Variants in CPEB3 observed in about 807,000 individuals in gnomAD.
The protein encoded by CPEB3 is cytoplasmic polyadenylation element binding protein 3, also known as cytoplasmic polyadenylation element-binding protein 3.
In CPEB3, 20 loss-of-function variants were observed where a neutral mutation model predicts 67.2. The ratio of observed to expected loss-of-function variants is 0.30; its 90% CI spans 0.21 to 0.43. The LOEUF is 0.43. Ranked by LOEUF, CPEB3 falls within the 20% of genes least tolerant of loss-of-function variation. The pLI, the probability that CPEB3 is intolerant of heterozygous loss-of-function variation, is 1.00. For missense variants in CPEB3, 746 were observed against 968.6 expected (o/e 0.77, Z 3.05); for synonymous variants, 376 against 393.1 (o/e 0.96, Z 0.51).
chr10:92,248,466 C>G (rs1852160547), intron 1 of CPEB3, among the ~76,000 whole-genome samples: 1 of 152,128 alleles, frequency 6.6e-6, no homozygotes, highest in South Asian at 2.1e-4. Context: ...TTTTCCTTCC[C>G]TACTTACATC....
intron 4 of CPEB3, among the ~76,000 whole-genome samples, chr10:92,160,543 T>C (rs1300531559): frequency 1.3e-5 from 2 of 152,198 alleles, no homozygotes; most frequent in African/African-American, 2.4e-5. Context: ...AATGATGTTA[T>C]GCTGCCTGAC....
chr10:92,179,508 C>A (rs1333634460), intron 4 of CPEB3, among the ~76,000 whole-genome samples: 1 of 152,174 alleles, frequency 6.6e-6, no homozygotes, highest in Non-Finnish European at 1.5e-5. Flanking sequence ...TAACTGAAGT[C>A]TTTTCACAAT....
intron 8 of CPEB3, among the ~76,000 whole-genome samples, chr10:92,090,124 T>C (rs1339126062): frequency 6.6e-6 from 1 of 152,230 alleles, no homozygotes; most frequent in Non-Finnish European, 1.5e-5. Flanking sequence ...AACTTGTATG[T>C]CTGTGACTTA....
At chr10:92,275,915 C>A (rs1841960739) in intron 1 of CPEB3, among the ~76,000 whole-genome samples, 1 of 138,490 alleles carries the variant, frequency 7.2e-6, no homozygotes, top group African/African-American at 2.7e-5. Context: ...GTGTCGCGAT[C>A]TTGGCTCACT....
chr10:92,239,697 G>T lies in CPEB3; in HGVS notation c.654C>A (p.Ser218Arg). 6.4e-7 allele frequency: 1 copy of T among 1,571,372 alleles called. No individual in the cohort carries two copies. The change falls in exon 2 of 10, where the codon AGC (serine) becomes AGA (arginine). Residue 218 changes from serine (S) to arginine (R), a missense_variant. Transcript: ENST00000265997. This position sits in a 1 kb window ranked among gnomAD's most constrained non-coding sequence, Gnocchi z 6.0. ...AAYGHQPIMT[S>R]KPSSSSAVAA... Reference sequence around the variant, plus strand: ...CAACCGCCGAAGACGAGGACGGCTTGCTGGTCATGATGGGCTGGTGGCCGT... The same window carrying T: ...CAACCGCCGAAGACGAGGACGGCTTTCTGGTCATGATGGGCTGGTGGCCGT...
Position 92,192,611 on chromosome 10 carries a change from A to G in CPEB3, c.1031T>C (p.Phe344Ser). The change falls in exon 3 of 10, where the codon TTT (phenylalanine) becomes TCT (serine). Residue 344 changes from phenylalanine to serine, a missense_variant. Phe to Ser is a radical substitution (Grantham distance 155). Coordinates refer to ENST00000265997, the MANE Select transcript of CPEB3 (RefSeq NM_014912.5). ...GGAGTTCTCCAACGAGTGCAAGTTA[A>G]AAGTATCATAGGGCCTACTCCGGTC... Reference protein sequence around the residue: ...FQDRSRPYDTFNLHSLENSLM... With the variant: ...FQDRSRPYDTSNLHSLENSLM... The G allele has an allele frequency of 6.2e-7, 1 of 1,612,200 alleles. No individual in the cohort carries two copies. Among genetic ancestry groups the G allele is most frequent in the Non-Finnish European group, 8.5e-7 (1 of 1,179,142 alleles).
At chr10:92,148,904 T>G (rs1044653400) in intron 4 of CPEB3, among the ~76,000 whole-genome samples, 1 of 65,362 alleles carries the variant, frequency 1.5e-5, no homozygotes, top group African/African-American at 9.9e-5. Flanking sequence ...AATACTGGCT[T>G]TTTTTTTTTT....
intron 7 of CPEB3, among the ~76,000 whole-genome samples, chr10:92,099,030 C>T (rs1844041306): frequency 6.6e-6 from 1 of 152,002 alleles, no homozygotes; most frequent in South Asian, 2.1e-4. Flanking sequence ...CCTCAGCCTC[C>T]CAAAGTGCTG....
intron 3 of CPEB3, among the ~76,000 whole-genome samples, chr10:92,182,126 T>C (rs1039678851): frequency 6.6e-5 from 10 of 152,250 alleles, no homozygotes; most frequent in Admixed American, 6.5e-4. Flanking sequence ...TGTTCAATTA[T>C]GTCAAGGGTT....
At chr10:92,188,447 C>T (rs944657000) in intron 3 of CPEB3, among the ~76,000 whole-genome samples, 7 of 151,234 alleles carry the variant, frequency 4.6e-5, no homozygotes, top group Admixed American at 1.3e-4. Flanking sequence ...TCCGGCTGGG[C>T]GCAGTGGCTC....
chr10:92,266,549 T>C (rs555202032), intron 1 of CPEB3, among the ~76,000 whole-genome samples: 75 of 152,126 alleles, frequency 4.9e-4, no homozygotes, highest in Middle Eastern at 3.4e-3. Context: ...CCTCTTTCCG[T>C]CTACATGCAT....
chr10:92,181,980 T>C (rs941185147), intron 3 of CPEB3, among the ~76,000 whole-genome samples: 11 of 152,090 alleles, frequency 7.2e-5, no homozygotes, highest in African/African-American at 1.9e-4. Flanking sequence ...AAAGGAAAAT[T>C]TGAGAGAGTC....
intron 9 of CPEB3, among the ~76,000 whole-genome samples, chr10:92,078,119 T>C (rs1379493430): frequency 6.6e-6 from 1 of 152,174 alleles, no homozygotes; most frequent in Non-Finnish European, 1.5e-5. Flanking sequence ...TCTCATGGGA[T>C]GCCCAAGGCT....
At chr10:92,149,060 C>G (rs978499345) in intron 4 of CPEB3, among the ~76,000 whole-genome samples, 6 of 152,158 alleles carry the variant, frequency 3.9e-5, no homozygotes, top group Non-Finnish European at 7.3e-5. Flanking sequence ...GCCACCACAC[C>G]TGGCTTATTT....
intron 3 of CPEB3, among the ~76,000 whole-genome samples, chr10:92,184,701 T>C (rs1290504735): frequency 2.6e-5 from 4 of 152,196 alleles, no homozygotes; most frequent in African/African-American, 9.7e-5. Flanking sequence ...CAACTAATAA[T>C]GTAATTTTTT....
At chr10:92,188,083 CTACT>C (rs752989513) in intron 3 of CPEB3, among the ~76,000 whole-genome samples, 4 of 151,926 alleles carry the variant, frequency 2.6e-5, no homozygotes, top group Non-Finnish European at 5.9e-5. Context: ...CTAGTACCAG[CTACT>C]TAGGGAGCTG....
intron 3 of CPEB3, among the ~76,000 whole-genome samples, chr10:92,186,429 T>G (rs545108043): frequency 9.1e-6 from 1 of 110,236 alleles, no homozygotes; most frequent in East Asian, 2.3e-4. Flanking sequence ...CTTTTAAAAC[T>G]CAGGTGATTT....
intron 6 of CPEB3, among the ~76,000 whole-genome samples, chr10:92,123,932 G>A (rs368932168): frequency 3.3e-5 from 5 of 152,054 alleles, no homozygotes; most frequent in Admixed American, 6.6e-5. Flanking sequence ...TCCTAACTCT[G>A]CAATTAACAT....
intron 1 of CPEB3, among the ~76,000 whole-genome samples, chr10:92,251,759 C>T (rs1852310551): frequency 6.6e-6 from 1 of 151,814 alleles, no homozygotes; most frequent in Admixed American, 6.6e-5. Flanking sequence ...AAACAGGTCC[C>T]ATCCTGGAAG....
Sources: allele counts gnomAD v4.1 joint callset (sites outside exome capture counted in the v4.1 genomes callset), GRCh38; gene constraint gnomAD v4.1.1; non-coding constraint Gnocchi (gnomAD v3.1); transcripts MANE v1.5; gene names NCBI Gene and HGNC (gene_info 2026-07-23, HGNC 2026-07-21).